The following DCDC2 variants were observed in gnomAD, a reference collection of about 807,000 sequenced individuals.
The protein encoded by DCDC2 is doublecortin domain containing 2.
A neutral mutation model predicts 50.2 loss-of-function variants in DCDC2; 40 were observed. The observed-to-expected ratio is 0.80, with a 90% confidence interval of 0.62 to 1.04. DCDC2 has a LOEUF of 1.04. DCDC2 is among the 50% of genes least tolerant of loss of function. DCDC2 has a pLI of 0.00. For synonymous variants in DCDC2, 234 were observed against 210.6 expected (o/e 1.11, Z -0.96); for missense variants, 570 against 581.9 (o/e 0.98, Z 0.21).
At chr6:24,302,439 T>C (rs537988056) in intron 2 of DCDC2, among the ~76,000 whole-genome samples, 231 of 152,194 alleles carry the variant, frequency 1.5e-3, no homozygotes, top group Middle Eastern at 0.014. Flanking sequence ...CTGTGTTCCA[T>C]CATCTTTCCT....
Position 24,210,936 on chromosome 6 carries a change from T to C in DCDC2, c.923-5834A>G, listed in dbSNP as rs917265351. 2.6e-5 allele frequency among the ~76,000 whole-genome samples: 4 copies of C among 152,334 alleles called. No homozygotes were observed. The South Asian group carries it at 6.2e-4, about 24-fold the overall frequency. On this transcript the variant is annotated intron_variant, in intron 7 of 9. Coordinates refer to ENST00000378454, the MANE Select transcript of DCDC2 (RefSeq NM_016356.5). Reference sequence around the variant, plus strand: ...CACTAGAAAACTCTCTCCTGCCTCATGGCTTTGTTCTTCACAGAGTCTCTG... The same window carrying C: ...CACTAGAAAACTCTCTCCTGCCTCACGGCTTTGTTCTTCACAGAGTCTCTG...
chr6:24,280,342 A>G (rs963869521), intron 6 of DCDC2, among the ~76,000 whole-genome samples: 1 of 151,848 alleles, frequency 6.6e-6, no homozygotes, highest in Non-Finnish European at 1.5e-5. Flanking sequence ...GTTTCCATTT[A>G]ATTATTATGG....
At chr6:24,301,052 TA>T (rs11404583) in intron 4 of DCDC2, among the ~76,000 whole-genome samples, 3,800 of 147,472 alleles carry the variant, frequency 0.026, 152 homozygotes, top group African/African-American at 0.086. Flanking sequence ...ATGACCCCTT[TA>T]AAAAAAAAAA....
chr6:24,351,652 T>C (rs1018152261), intron 2 of DCDC2, among the ~76,000 whole-genome samples: 58 of 151,998 alleles, frequency 3.8e-4, no homozygotes, highest in Non-Finnish European at 2.5e-4. Context: ...AAGGGGTAGG[T>C]TTTTCACACG....
intron 2 of DCDC2, among the ~76,000 whole-genome samples, chr6:24,314,727 C>T (rs1759630976): frequency 6.6e-6 from 1 of 151,856 alleles, no homozygotes; most frequent in East Asian, 1.9e-4. Flanking sequence ...TTACTAGATG[C>T]CACATTTCAC....
chr6:24,324,193 T>C (rs7771394), intron 2 of DCDC2, among the ~76,000 whole-genome samples: 119,969 of 152,074 alleles, frequency 0.79, 47,826 homozygotes, highest in Non-Finnish European at 0.84. Flanking sequence ...TACAGAAGAA[T>C]GCTCAAGGTT....
rs34475687 is a variant in DCDC2, at chr6:24,208,363, C to CTTTT, written c.923-3265_923-3262dup. On this transcript the variant is annotated intron_variant, in intron 7 of 9. Transcript: ENST00000378454. ...ACCAACAGCTCCCTCCTCTGTGCTA[C>CTTTT]TTTTTTTTTTTTTTTTTTTTTTTTT... Among the ~76,000 whole-genome samples, 343 of 84,424 alleles carry CTTTT rather than the reference C, an allele frequency of 4.1e-3. 10 individuals carry two copies. Among genetic ancestry groups the CTTTT allele is most frequent in the African/African-American group, 0.011 (209 of 19,282 alleles). 55.4% of individuals were successfully genotyped at this position (84,424 alleles called of 152,430 possible).
chr6:24,293,151 G>A (rs1258740385), intron 4 of DCDC2, among the ~76,000 whole-genome samples: 1 of 152,132 alleles, frequency 6.6e-6, no homozygotes, highest in African/African-American at 2.4e-5. Context: ...TGTTGCCCAG[G>A]TTGGTCTCGA....
At chr6:24,314,132 A>C (rs570211684) in intron 2 of DCDC2, among the ~76,000 whole-genome samples, 1 of 152,366 alleles carries the variant, frequency 6.6e-6, no homozygotes, top group Admixed American at 6.5e-5. Context: ...AAGTGTTATT[A>C]AAATACAAGT....
chr6:24,353,473 C>T, intron 2 of DCDC2, 96 bp downstream of exon 2: 1 of 733,232 alleles, frequency 1.4e-6, no homozygotes, highest in East Asian at 2.6e-5. Flanking sequence ...TTAGAGAACT[C>T]ATCAAAGTAG....
At chr6:24,189,308 A>G (rs1402057256) in intron 8 of DCDC2, among the ~76,000 whole-genome samples, 1 of 152,196 alleles carries the variant, frequency 6.6e-6, no homozygotes, top group East Asian at 1.9e-4. Flanking sequence ...TGCAGTTACT[A>G]AGGTTAACTC....
intron 2 of DCDC2, among the ~76,000 whole-genome samples, chr6:24,344,337 A>C (rs987537386): frequency 6.6e-6 from 1 of 152,234 alleles, no homozygotes; most frequent in Non-Finnish European, 1.5e-5. Context: ...TTAGTAATTT[A>C]ATATTTTATT....
intron 8 of DCDC2, among the ~76,000 whole-genome samples, chr6:24,199,234 G>A (rs1161583812): frequency 1.3e-5 from 2 of 152,228 alleles, no homozygotes; most frequent in Non-Finnish European, 2.9e-5. Context: ...CACAGGATGG[G>A]TCAACAGACA....
At chr6:24,278,356 A>G in intron 6 of DCDC2, 145 bp from the exon 7 acceptor site, 2 of 636,678 alleles carry the variant, frequency 3.1e-6, no homozygotes, top group Non-Finnish European at 5.1e-6. Context: ...ATCTTTATAC[A>G]TTAACTCCAA....
chr6:24,303,458 CCCT>C (rs1561767188), intron 2 of DCDC2, among the ~76,000 whole-genome samples: 1 of 152,104 alleles, frequency 6.6e-6, no homozygotes, highest in African/African-American at 2.4e-5. Context: ...GGCTAAAACG[CCCT>C]CCTCATTTCT....
At chr6:24,283,711 G>A (rs539622512) in intron 6 of DCDC2, among the ~76,000 whole-genome samples, 1 of 152,164 alleles carries the variant, frequency 6.6e-6, no homozygotes, top group East Asian at 1.9e-4. Flanking sequence ...GCATTCTCCT[G>A]GGAACCAATT....
intron 7 of DCDC2, among the ~76,000 whole-genome samples, chr6:24,248,964 G>T (rs1762742650): frequency 6.6e-6 from 1 of 152,078 alleles, no homozygotes; most frequent in African/African-American, 2.4e-5. Flanking sequence ...CATCCAGTGA[G>T]CAGCTTTAGT....
intron 7 of DCDC2, among the ~76,000 whole-genome samples, chr6:24,208,946 A>G (rs1761790795): frequency 6.6e-6 from 1 of 152,258 alleles, no homozygotes; most frequent in South Asian, 2.1e-4. Context: ...ATTCATATAC[A>G]CTTCATCCAG....
chr6:24,283,126 C>T (rs1581630285), intron 6 of DCDC2, among the ~76,000 whole-genome samples: 1 of 152,074 alleles, frequency 6.6e-6, no homozygotes, highest in Non-Finnish European at 1.5e-5. Flanking sequence ...TCGTCTTTTC[C>T]GATAGAGGGT....
Sources: allele counts gnomAD v4.1 joint callset (sites outside exome capture counted in the v4.1 genomes callset), GRCh38; gene constraint gnomAD v4.1.1; transcripts MANE v1.5; gene names NCBI Gene and HGNC (gene_info 2026-07-23, HGNC 2026-07-21).